NCAPD3: variants seen among roughly 807,000 people sequenced by gnomAD.
NCAPD3 encodes the protein non-SMC condensin II complex subunit D3.
Under a neutral mutation model 182.9 loss-of-function variants are expected in NCAPD3, and 105 were observed. The ratio of observed to expected loss-of-function variants is 0.57; its 90% CI spans 0.49 to 0.68. NCAPD3 has a LOEUF of 0.68. Ranked by LOEUF, NCAPD3 falls within the 30% of genes least tolerant of loss-of-function variation. The pLI, the probability that NCAPD3 is intolerant of heterozygous loss-of-function variation, is 0.00. For synonymous variants in NCAPD3, 815 were observed against 679.9 expected, an observed-to-expected ratio of 1.20 and a Z score of -3.09; for missense variants, 1,944 against 1,837.0, an observed-to-expected ratio of 1.06 and a Z score of -1.07.
intron 8 of NCAPD3, among the ~76,000 whole-genome samples, chr11:134,206,017 C>T (rs1937604142): frequency 6.6e-6 from 1 of 152,110 alleles, no homozygotes; most frequent in African/African-American, 2.4e-5. Context: ...GAAGGAAAAG[C>T]CAACAACGCA....
chr11:134,174,545 A>T (rs926471846), intron 24 of NCAPD3, among the ~76,000 whole-genome samples: 1 of 152,030 alleles, frequency 6.6e-6, no homozygotes, highest in Non-Finnish European at 1.5e-5. Flanking sequence ...TGTAAGAGTT[A>T]AAAAAAGGGA....
At chr11:134,153,077 T>G (rs779907311) in intron 34 of NCAPD3, 25 bp from the exon 35 acceptor site, 2 of 1,611,866 alleles carry the variant, frequency 1.2e-6, no homozygotes, top group Non-Finnish European at 1.7e-6. Context: ...TGTGCAGTCA[T>G]TCTGGAACTC....
At chr11:134,165,162 G>A (rs181803450) in intron 27 of NCAPD3, among the ~76,000 whole-genome samples, 10 of 151,162 alleles carry the variant, frequency 6.6e-5, no homozygotes, top group East Asian at 2.0e-4. Context: ...TGTGAGATGA[G>A]CTGAGGAGGA....
intron 24 of NCAPD3, among the ~76,000 whole-genome samples, chr11:134,169,628 C>T (rs1023468352): frequency 4.6e-5 from 7 of 152,194 alleles, no homozygotes; most frequent in Admixed American, 3.3e-4. Flanking sequence ...AAGCCCTGGG[C>T]ACTCTCCTTC....
In NCAPD3 at chr11:134,153,457, A is replaced by G. The variant is rs1449054130; in HGVS notation, c.4253-94T>C. On this transcript the variant is annotated intron_variant, in intron 32 of 34. Transcript: ENST00000534548. ...CGTGGGACGTAGGCAGGGTGTCCAC[A>G]TCAGTGTCCCAGCGGCGGCCCTCAG... 3 of 1,309,150 alleles carry G rather than the reference A, an allele frequency of 2.3e-6. No homozygotes were observed. The East Asian group carries it at 6.9e-5, about 30-fold the overall frequency. The allele number at this position is 1,309,150 out of a possible 1,614,324, so 81.1% of individuals were successfully genotyped here.
intron 16 of NCAPD3, among the ~76,000 whole-genome samples, chr11:134,189,308 A>AT (rs1261237752): frequency 2.0e-5 from 3 of 152,050 alleles, no homozygotes; most frequent in African/African-American, 7.2e-5. Flanking sequence ...AAATTTCTAA[A>AT]TTTTAGCATT....
In NCAPD3 at chr11:134,181,146, G is replaced by A. The variant is rs772396442; in HGVS notation, c.2490C>T (p.Thr830=). ...LTQVCGDVLS[T]CEHRLSNIVL... Reference sequence around the variant, plus strand: ...CGATGTTGGAGAGGCGGTGCTCGCAGGTGGAGAGTACATCCCCACACACCT... The same window carrying A: ...CGATGTTGGAGAGGCGGTGCTCGCAAGTGGAGAGTACATCCCCACACACCT... The change falls in exon 20 of 35, where the codon ACC becomes ACT. Residue 830 remains threonine (T), a synonymous_variant. Transcript: ENST00000534548. The A allele has an allele frequency of 5.0e-6, 8 of 1,613,978 alleles. No homozygotes were observed. The Admixed American group carries it at 1.3e-4, about 27-fold the overall frequency.
At chr11:134,217,505 T>C (rs1938071288) in intron 2 of NCAPD3, among the ~76,000 whole-genome samples, 1 of 152,176 alleles carries the variant, frequency 6.6e-6, no homozygotes, top group Admixed American at 6.5e-5. Flanking sequence ...ACTGAGGAAA[T>C]CAGAGCCCTT....
chr11:134,168,933 A>C lies in NCAPD3; in HGVS notation c.3223T>G (p.Phe1075Val). Residue 1075 changes from phenylalanine to valine, a missense_variant, in exon 25 of 35, where the codon TTC becomes GTC. Physicochemically the swap from Phe to Val is conservative, Grantham distance 50 (BLOSUM62 -1). Transcript: ENST00000534548. ...NYEKHEKYNKFPQSEREKRLF... is the reference protein window; with the variant it reads ...NYEKHEKYNKVPQSEREKRLF... ...TTCACTGACCTCTCTGACTGGGGGA[A>C]CTTGTTGTACTTCTCATGCTTCTCA... 6.2e-7 allele frequency: 1 copy of C among 1,613,556 alleles called. No individual in the cohort carries two copies. The highest frequency in any genetic ancestry group is 8.5e-7 in the Non-Finnish European group (1 of 1,179,712).
Position 134,157,099 on chromosome 11 carries a change from G to A in NCAPD3, c.4175-4C>T, listed in dbSNP as rs758070530. ...TGCTCCAAACTGTATGAAGACACTAGAACAGAAAAGGTGCTGCTATCCAGA... is the reference window on the plus strand; with the variant it reads ...TGCTCCAAACTGTATGAAGACACTAAAACAGAAAAGGTGCTGCTATCCAGA... On this transcript the variant is annotated splice_polypyrimidine_tract_variant and splice_region_variant and intron_variant, in intron 31 of 34. Coordinates refer to ENST00000534548, the MANE Select transcript of NCAPD3 (RefSeq NM_015261.3). 4 of 1,609,014 alleles carry A rather than the reference G, an allele frequency of 2.5e-6. No homozygotes were observed. The highest frequency in any genetic ancestry group is 4.5e-5 in the East Asian group (2 of 44,724).
intron 27 of NCAPD3, among the ~76,000 whole-genome samples, chr11:134,166,100 G>C (rs1461049758): frequency 6.0e-5 from 1 of 16,692 alleles, no homozygotes; most frequent in Non-Finnish European, 1.2e-4. Flanking sequence ...TTGGGGGAGG[G>C]GCACACTCAC....
rs778728742 is a variant in NCAPD3, at chr11:134,202,809, G to C, written c.1615+7C>G. The C allele has an allele frequency of 6.3e-7, 1 of 1,587,224 alleles. No individual in the cohort carries two copies. Among genetic ancestry groups the C allele is most frequent in the South Asian group, 1.1e-5 (1 of 87,864 alleles). On this transcript the variant is annotated splice_region_variant and intron_variant, in intron 13 of 34. Coordinates refer to ENST00000534548, the MANE Select transcript of NCAPD3 (RefSeq NM_015261.3). ...TACCTATCTGACAGTGATAAAATCTGACATACCTCCAGATCCAACTGTTTC... is the reference window on the plus strand; with the variant it reads ...TACCTATCTGACAGTGATAAAATCTCACATACCTCCAGATCCAACTGTTTC...
In NCAPD3 at chr11:134,153,360, C is replaced by T. The variant is rs1161336828; in HGVS notation, c.4256G>A (p.Ser1419Asn). 2.5e-6 allele frequency: 4 copies of T among 1,614,124 alleles called. No individual in the cohort carries two copies. Among genetic ancestry groups the T allele is most frequent in the Admixed American group, 1.7e-5 (1 of 60,026 alleles). Residue 1419 changes from serine (S) to asparagine (N), a missense_variant, in exon 33 of 35, where the codon AGC (serine) becomes AAC (asparagine). Transcript: ENST00000534548. ...TKRAISTPEK[S>N]ISDVTFGAGV... is the part of the protein sequence containing the mutation. Reference sequence around the variant, plus strand: ...TGCTCCAAACGTGACATCACTGATGCTCTCTGCATAAAGAGGAGACACCAC... The same window carrying T: ...TGCTCCAAACGTGACATCACTGATGTTCTCTGCATAAAGAGGAGACACCAC...
chr11:134,221,349 ATTCTT>A (rs67627013), intron 1 of NCAPD3, among the ~76,000 whole-genome samples: 4,529 of 151,272 alleles, frequency 0.03, 95 homozygotes, highest in Non-Finnish European at 0.047. Context: ...AAATCTTCCC[ATTCTT>A]TTCTTTTTCT....
chr11:134,223,979 C>CCG (rs1175522062), upstream of NCAPD3: 1 of 1,595,294 alleles, frequency 6.3e-7, no homozygotes, highest in Non-Finnish European at 8.5e-7. Context: ...AAGCTCGCTC[C>CCG]CGCGCGCGCG....
At chr11:134,165,228 G>A (rs1406716175) in intron 27 of NCAPD3, among the ~76,000 whole-genome samples, 2 of 146,112 alleles carry the variant, frequency 1.4e-5, no homozygotes, top group Non-Finnish European at 3.0e-5. Flanking sequence ...GATGAGCTTA[G>A]GGGAGCAGCA....
At position 134,151,879 on chromosome 11, in the gene NCAPD3, G is replaced by C. The variant is rs908863439; in HGVS notation, c.*1065C>G. On this transcript the variant is annotated 3_prime_UTR_variant, in exon 35 of 35. Transcript: ENST00000534548. ...CCATCCACCAGGGAAGTCAGTGCTG[G>C]GCAGGAGGTCAGCCTGTGTGCTCAA... 1 of 152,138 alleles carries C rather than the reference G, an allele frequency of 6.6e-6. No individual in the cohort carries two copies. Among genetic ancestry groups the C allele is most frequent in the Non-Finnish European group, 1.5e-5 (1 of 68,050 alleles). 9.4% of individuals were successfully genotyped at this position (152,138 alleles called of 1,614,324 possible). A position where few individuals can be genotyped will look rare whatever the true frequency, so the allele number is the denominator to read the frequency against.
intron 7 of NCAPD3, 52 bp from the exon 8 acceptor site, chr11:134,206,784 C>A (rs773119018): frequency 1.3e-6 from 2 of 1,563,348 alleles, no homozygotes; most frequent in South Asian, 2.4e-5. Context: ...ACACAAGGGT[C>A]TCAGACATAG....
intron 3 of NCAPD3, among the ~76,000 whole-genome samples, chr11:134,211,024 C>G (rs1937814927): frequency 6.6e-6 from 1 of 152,154 alleles, no homozygotes. Flanking sequence ...AATTCTAAGA[C>G]AGAGAGCAAA....
Sources: allele counts gnomAD v4.1 joint callset (sites outside exome capture counted in the v4.1 genomes callset), GRCh38; gene constraint gnomAD v4.1.1; transcripts MANE v1.5; gene names NCBI Gene and HGNC (gene_info 2026-07-23, HGNC 2026-07-21).